The following RCC1 variants were observed in gnomAD, a reference collection of about 807,000 sequenced individuals.
RCC1 encodes regulator of chromosome condensation.
Under a neutral mutation model 44.4 loss-of-function variants are expected in RCC1, and 11 were observed. That is an observed-to-expected ratio of 0.25 (90% CI 0.16 to 0.41). The LOEUF is 0.41. Ranked by LOEUF, RCC1 falls within the 10% of genes least tolerant of loss-of-function variation. The pLI, the probability that RCC1 is intolerant of heterozygous loss-of-function variation, is 1.00. For synonymous variants in RCC1, 213 were observed against 216.5 expected, an observed-to-expected ratio of 0.98 and a Z score of 0.14; for missense variants, 386 against 547.1, an observed-to-expected ratio of 0.71 and a Z score of 2.94.
In RCC1 at chr1:28,536,212, G is replaced by T; in HGVS notation, c.818-50G>T. 1 of 1,600,826 alleles carries T rather than the reference G, an allele frequency of 6.2e-7. No individual in the cohort carries two copies. Among genetic ancestry groups the T allele is most frequent in the South Asian group, 1.1e-5 (1 of 88,398 alleles). On this transcript the variant is annotated intron_variant, in intron 10 of 12. Coordinates refer to ENST00000683442, the MANE Select transcript of RCC1 (RefSeq NM_001381865.2). The surrounding 1 kb of genome is among the most constrained non-coding windows in gnomAD (Gnocchi z 4.9). The stretch of plus-strand genomic sequence containing the variant: ...CTCACTGTGGGAGGAGATTGAGAAG[G>T]GCAGCTCTCAGAACACCTTCACCCC...
chr1:28,518,376 G>A (rs1403012133), intron 4 of RCC1: 1 of 152,102 alleles, frequency 6.6e-6, no homozygotes, highest in Non-Finnish European at 1.5e-5. Context: ...CACAGCCGGA[G>A]CACGGGCCGG....
intron 4 of RCC1, among the ~76,000 whole-genome samples, chr1:28,528,679 A>G (rs140107774): frequency 2.6e-5 from 4 of 152,226 alleles, no homozygotes; most frequent in African/African-American, 9.6e-5. Context: ...TAGATAATAT[A>G]GGAAGATAAA....
chr1:28,529,533 TATTCAATAG>T (rs983194527), intron 4 of RCC1, among the ~76,000 whole-genome samples: 8 of 152,100 alleles, frequency 5.3e-5, no homozygotes, highest in Non-Finnish European at 1.0e-4. Context: ...AACATCTTTC[TATTCAATAG>T]ATTGATCTCT....
intron 5 of RCC1, chr1:28,530,763 C>T (rs1012863156): frequency 1.7e-6 from 1 of 593,858 alleles, no homozygotes; most frequent in Middle Eastern, 4.5e-4. Context: ...CCCGGGCGCG[C>T]ACCTCCCGCA....
At chr1:28,534,325 C>T (rs535145027) in intron 7 of RCC1, among the ~76,000 whole-genome samples, 16 of 152,242 alleles carry the variant, frequency 1.1e-4, no homozygotes, top group African/African-American at 3.1e-4. Context: ...GGACTACAGG[C>T]GCCCGCTACA....
At position 28,531,259 on chromosome 1, in the gene RCC1, C is replaced by CTTTTTTTT. The variant is rs769808394; in HGVS notation, c.74-539_74-538insTTTTTTTT. ...CAATAACAATAATTAGCTTTCTTTTCTTTTTCTTTTTTTTTTTTTTTTTGA... is the reference window on the plus strand; with the variant it reads ...CAATAACAATAATTAGCTTTCTTTTCTTTTTTTTTTTTTCTTTTTTTTTTTTTTTTTGA... On this transcript the variant is annotated intron_variant, in intron 5 of 12. Transcript: ENST00000683442. 7.5e-3 allele frequency among the ~76,000 whole-genome samples: 988 copies of CTTTTTTTT among 132,272 alleles called. 16 individuals are homozygous for CTTTTTTTT. The highest frequency in any genetic ancestry group is 0.011 in the Non-Finnish European group (682 of 64,310). 86.8% of individuals were successfully genotyped at this position (132,272 alleles called of 152,430 possible).
At chr1:28,514,051 C>G (rs12082490) in intron 3 of RCC1, among the ~76,000 whole-genome samples, 1 of 151,878 alleles carries the variant, frequency 6.6e-6, no homozygotes, top group Non-Finnish European at 1.5e-5. Context: ...CGCCTGTAGT[C>G]TCAGCTACTT....
chr1:28,507,605 T>C, intron 1 of RCC1: 1 of 386,130 alleles, frequency 2.6e-6, no homozygotes, highest in Non-Finnish European at 5.1e-6. Flanking sequence ...GAAGTCTTTT[T>C]TTTTTTTTTT....
In RCC1 at chr1:28,535,918, C is replaced by T. The variant is rs142594102; in HGVS notation, c.709C>T (p.Arg237Trp). The change falls in exon 10 of 13, where the codon CGG (arginine) becomes TGG (tryptophan). Residue 237 changes from arginine (R) to tryptophan (W), a missense_variant. Physicochemically the swap from Arg to Trp is moderately radical, Grantham distance 101. Transcript: ENST00000683442. ...KCVMLKSRGS[R>W]GHVRFQDAFC... is the part of the protein sequence containing the mutation. Reference sequence around the variant, plus strand: ...TGTGATGCTGAAATCCAGGGGAAGCCGGGGCCACGTGAGATTCCAGGATGC... The same window carrying T: ...TGTGATGCTGAAATCCAGGGGAAGCTGGGGCCACGTGAGATTCCAGGATGC... 2.1e-5 allele frequency: 34 copies of T among 1,614,072 alleles called. No homozygotes were observed. The highest frequency in any genetic ancestry group is 9.9e-5 in the South Asian group (9 of 91,080).
At chr1:28,507,070 C>T in intron 1 of RCC1, 1 of 189,662 alleles carries the variant, frequency 5.3e-6, no homozygotes, top group Non-Finnish European at 1.1e-5. Context: ...AGCCATCGTG[C>T]CTGGCCGATT....
At chr1:28,527,321 C>G in intron 4 of RCC1, 1 of 534,004 alleles carries the variant, frequency 1.9e-6, no homozygotes, top group Non-Finnish European at 3.4e-6. Flanking sequence ...CTCAATTTAG[C>G]CTCAGCCTCC....
intron 1 of RCC1, chr1:28,507,576 A>G (rs1662090964): frequency 1.9e-6 from 1 of 513,250 alleles, no homozygotes; most frequent in Non-Finnish European, 3.9e-6. Context: ...ACAGCCTTCT[A>G]GAGCACTGAA....
intron 4 of RCC1, among the ~76,000 whole-genome samples, chr1:28,523,776 TGTTTGCCTTGG>T (rs1570192414): frequency 6.6e-6 from 1 of 152,372 alleles, no homozygotes; most frequent in East Asian, 1.9e-4. Context: ...ACTGATGAGA[TGTTTGCCTTGG>T]CATACAGCTG....
chr1:28,530,156 A>G (rs1225774138), intron 5 of RCC1, among the ~76,000 whole-genome samples: 1 of 82,814 alleles, frequency 1.2e-5, no homozygotes, highest in Non-Finnish European at 2.7e-5. Flanking sequence ...CAGCACTGGC[A>G]CAAAAAAAAA....
intron 9 of RCC1, 99 bp from the exon 10 acceptor site, chr1:28,535,772 C>T: frequency 7.5e-7 from 1 of 1,325,736 alleles, no homozygotes; most frequent in Non-Finnish European, 1.1e-6. Flanking sequence ...CCTACTTAGC[C>T]TCTCAAGGGC....
intron 3 of RCC1, among the ~76,000 whole-genome samples, chr1:28,513,305 A>G (rs566114198): frequency 6.6e-6 from 1 of 151,648 alleles, no homozygotes; most frequent in Non-Finnish European, 1.5e-5. Flanking sequence ...AGCAATTTTC[A>G]TGCCTCAGCC....
intron 5 of RCC1, chr1:28,530,557 C>A (rs771688040): frequency 1.2e-6 from 2 of 1,606,102 alleles, no homozygotes; most frequent in African/African-American, 2.7e-5. Context: ...GCGTTCCTGG[C>A]GCCCGCTCCT....
At chr1:28,525,104 G>A (rs1224136689) in intron 4 of RCC1, among the ~76,000 whole-genome samples, 2 of 152,082 alleles carry the variant, frequency 1.3e-5, no homozygotes, top group South Asian at 4.1e-4. Flanking sequence ...TGAAGAGGTC[G>A]TGATTGATTG....
intron 4 of RCC1, chr1:28,526,540 C>T (rs771688075): frequency 1.7e-6 from 1 of 571,640 alleles, no homozygotes; most frequent in Non-Finnish European, 3.3e-6. Flanking sequence ...AAGTTCACAT[C>T]GTGAAATTCC....
Sources: allele counts gnomAD v4.1 joint callset (sites outside exome capture counted in the v4.1 genomes callset), GRCh38; gene constraint gnomAD v4.1.1; non-coding constraint Gnocchi (gnomAD v3.1); transcripts MANE v1.5; gene names NCBI Gene and HGNC (gene_info 2026-07-23, HGNC 2026-07-21).